The following AATF variants were observed in gnomAD, a reference collection of about 807,000 sequenced individuals.
AATF encodes protein AATF.
A neutral mutation model predicts 63.7 loss-of-function variants in AATF; 48 were observed. That is an observed-to-expected ratio of 0.75 (90% CI 0.60 to 0.96). The LOEUF (loss-of-function observed/expected upper bound fraction) is 0.96, where lower values mean the gene tolerates loss of function less well. AATF is among the 40% of genes least tolerant of loss of function. The pLI is 0.00. For synonymous variants in AATF, 258 were observed against 247.7 expected (o/e 1.04, Z -0.39); for missense variants, 639 against 685.7 (o/e 0.93, Z 0.76).
intron 11 of AATF, among the ~76,000 whole-genome samples, chr17:37,038,686 A>G (rs1270416964): frequency 6.6e-6 from 1 of 152,188 alleles, no homozygotes; most frequent in Non-Finnish European, 1.5e-5. Flanking sequence ...TTTGCAAATA[A>G]CTTAAAGAAA....
Position 37,021,677 on chromosome 17 carries a change from C to T in AATF, c.1547+663C>T, listed in dbSNP as rs1038597788. Reference sequence around the variant, plus strand: ...AAAATTAGCCGGGCGTAGTGGCGGGCGCCTGTAGTCCCAGCTACTCGGGAG... The same window carrying T: ...AAAATTAGCCGGGCGTAGTGGCGGGTGCCTGTAGTCCCAGCTACTCGGGAG... On this transcript the variant is annotated intron_variant, in intron 10 of 11. Transcript: ENST00000619387. Among the ~76,000 whole-genome samples, 45 of 125,222 alleles carry T rather than the reference C, an allele frequency of 3.6e-4. 12 individuals are homozygous for T. The highest frequency in any genetic ancestry group is 1.8e-3 in the African/African-American group (43 of 23,732). 82.2% of individuals were successfully genotyped at this position (125,222 alleles called of 152,430 possible). A position where few individuals can be genotyped will look rare whatever the true frequency, so the allele number is the denominator to read the frequency against.
At chr17:37,036,262 T>C (rs182194121) in intron 11 of AATF, among the ~76,000 whole-genome samples, 710 of 152,326 alleles carry the variant, frequency 4.7e-3, no homozygotes, top group Non-Finnish European at 7.6e-3. Context: ...GTGCCTAAAT[T>C]GGATTAATCC....
chr17:36,954,227 AG>A (rs1170930642), intron 4 of AATF, among the ~76,000 whole-genome samples: 3 of 151,722 alleles, frequency 2.0e-5, no homozygotes, highest in African/African-American at 7.3e-5. Flanking sequence ...AGGGACCACA[AG>A]CGTGCACCAC....
rs1567961018 is a variant in AATF at position 36,949,228 on chromosome 17, C to T, written c.91+12C>T. ...GGACCCCGAGGAAGGTGAGGCCGGA[C>T]TGGGGCAGGCCACGTGCGGAGCGGT... On this transcript the variant is annotated intron_variant, in intron 1 of 11. Coordinates refer to ENST00000619387, the MANE Select transcript of AATF (RefSeq NM_012138.4). 3 of 1,580,070 alleles carry T rather than the reference C, an allele frequency of 1.9e-6. No homozygotes were observed. Among genetic ancestry groups the T allele is most frequent in the Non-Finnish European group, 2.6e-6 (3 of 1,164,780 alleles).
intron 9 of AATF, among the ~76,000 whole-genome samples, chr17:37,019,287 T>C (rs1159155514): frequency 6.6e-6 from 1 of 152,244 alleles, no homozygotes; most frequent in Non-Finnish European, 1.5e-5. Context: ...TGTTTGTTTT[T>C]AGAGTTTGTT....
chr17:36,969,180 GA>G (rs1176386399), intron 4 of AATF, among the ~76,000 whole-genome samples: 2 of 152,146 alleles, frequency 1.3e-5, no homozygotes, highest in Non-Finnish European at 2.9e-5. Flanking sequence ...CACCATTTTG[GA>G]AGAACTCCCA....
At chr17:37,004,006 G>A (rs959434049) in intron 8 of AATF, among the ~76,000 whole-genome samples, 2 of 152,074 alleles carry the variant, frequency 1.3e-5, no homozygotes, top group Admixed American at 6.5e-5. Context: ...TCAGGAGGTC[G>A]AGGCAGGAGA....
intron 5 of AATF, among the ~76,000 whole-genome samples, chr17:36,987,171 T>G (rs923518331): frequency 2.6e-4 from 31 of 121,456 alleles, no homozygotes; most frequent in Non-Finnish European, 4.1e-4. Context: ...TTTTTTTTTT[T>G]GTAGAGACAG....
At chr17:36,989,183 C>G (rs2071193564) in intron 6 of AATF, 64 bp from the exon 7 acceptor site, 1 of 1,510,600 alleles carries the variant, frequency 6.6e-7, no homozygotes, top group Non-Finnish European at 8.9e-7. Context: ...GATAGAGAAA[C>G]CAATGTAGCT....
At chr17:36,950,455 G>T (rs773703740) in intron 2 of AATF, 50 bp downstream of exon 2, 1 of 1,554,712 alleles carries the variant, frequency 6.4e-7, no homozygotes. Flanking sequence ...ATTTTTTCAG[G>T]GTTAAAATCC....
intron 8 of AATF, among the ~76,000 whole-genome samples, chr17:37,009,823 CAAAAAA>C (rs1160362372): frequency 3.5e-4 from 10 of 28,798 alleles, no homozygotes; most frequent in East Asian, 1.9e-3. Context: ...GACTCCGTCT[CAAAAAA>C]AAAAAAAAAA....
chr17:36,978,878 C>A (rs986122576), intron 4 of AATF, among the ~76,000 whole-genome samples: 1 of 151,732 alleles, frequency 6.6e-6, no homozygotes, highest in Admixed American at 6.6e-5. Flanking sequence ...TACAGTGGAG[C>A]CTTCACGCAA....
Position 37,047,877 on chromosome 17 carries a change from C to T in AATF, c.1620-8724C>T, listed in dbSNP as rs138409213. On this transcript the variant is annotated intron_variant, in intron 11 of 11. Coordinates refer to ENST00000619387, the MANE Select transcript of AATF (RefSeq NM_012138.4). ...GGCTGCGGTTTTGTTGTTTTGGAACCTTGTGAAGAGTTTCAGCTAGTGTCG... is the reference window on the plus strand; with the variant it reads ...GGCTGCGGTTTTGTTGTTTTGGAACTTTGTGAAGAGTTTCAGCTAGTGTCG... 5.9e-5 allele frequency among the ~76,000 whole-genome samples: 9 copies of T among 152,274 alleles called. No homozygotes were observed. The East Asian group carries it at 1.4e-3, about 23-fold the overall frequency.
intron 4 of AATF, among the ~76,000 whole-genome samples, chr17:36,971,411 G>A (rs1208049499): frequency 6.6e-6 from 1 of 152,146 alleles, no homozygotes; most frequent in African/African-American, 2.4e-5. Context: ...ATACACACCT[G>A]ACAACACCAA....
At chr17:37,022,827 T>TACTG (rs1274767183) in intron 10 of AATF, among the ~76,000 whole-genome samples, 4 of 152,214 alleles carry the variant, frequency 2.6e-5, no homozygotes, top group Non-Finnish European at 5.9e-5. Context: ...TTGCCATTAT[T>TACTG]ACTGTCATTA....
intron 8 of AATF, among the ~76,000 whole-genome samples, chr17:37,002,143 A>G (rs2071303433): frequency 6.7e-6 from 1 of 149,808 alleles, no homozygotes; most frequent in Non-Finnish European, 1.5e-5. Context: ...TGGAGGTTGC[A>G]GTGAGCCATG....
At chr17:36,999,761 T>C (rs1017187287) in intron 8 of AATF, among the ~76,000 whole-genome samples, 2 of 152,024 alleles carry the variant, frequency 1.3e-5, no homozygotes, top group Admixed American at 6.6e-5. Flanking sequence ...AGAAGAGACC[T>C]GAGGAAATGA....
chr17:37,023,001 A>T (rs2071484616), intron 10 of AATF, among the ~76,000 whole-genome samples: 1 of 152,182 alleles, frequency 6.6e-6, no homozygotes, highest in African/African-American at 2.4e-5. Context: ...CTGAATGATT[A>T]TCTTATTTTT....
At chr17:36,983,977 T>G (rs1055801828) in intron 4 of AATF, among the ~76,000 whole-genome samples, 6 of 152,196 alleles carry the variant, frequency 3.9e-5, no homozygotes, top group African/African-American at 1.4e-4. Flanking sequence ...TGCTATAGTA[T>G]GAAATATATG....
Sources: allele counts gnomAD v4.1 joint callset (sites outside exome capture counted in the v4.1 genomes callset), GRCh38; gene constraint gnomAD v4.1.1; transcripts MANE v1.5; gene names NCBI Gene and HGNC (gene_info 2026-07-23, HGNC 2026-07-21).